The following CCDC66 variants were observed in gnomAD, a reference collection of about 807,000 sequenced individuals.
The protein encoded by CCDC66 is coiled-coil domain-containing protein 66.
CCDC66 carries 133 observed loss-of-function variants against 128.3 expected under a neutral mutation model. The ratio of observed to expected loss-of-function variants is 1.04; its 90% CI spans 0.90 to 1.20. CCDC66 has a LOEUF of 1.20. Ranked by LOEUF, CCDC66 falls within the 50% of genes most tolerant of loss-of-function variation. The probability of loss-of-function intolerance (pLI) is 0.00; values close to 1 mark genes in which losing one functional copy is unlikely to be tolerated. For missense variants in CCDC66, 1,126 were observed against 1,075.5 expected (o/e 1.05, Z -0.66); for synonymous variants, 387 against 357.0 (o/e 1.08, Z -0.95).
At chr3:56,589,307 C>A (rs1007134122) in intron 7 of CCDC66, among the ~76,000 whole-genome samples, 13 of 152,076 alleles carry the variant, frequency 8.5e-5, no homozygotes, top group Non-Finnish European at 1.6e-4. Context: ...TTACTAAAAA[C>A]CCAACAAAAT....
intron 8 of CCDC66, 71 bp downstream of exon 8, chr3:56,593,172 G>T: frequency 7.9e-7 from 1 of 1,267,438 alleles, no homozygotes; most frequent in African/African-American, 1.5e-5. Context: ...AAAACTAGAA[G>T]TATTCTGAAA....
At chr3:56,614,849 T>G (rs1316262857) in intron 11 of CCDC66, among the ~76,000 whole-genome samples, 1 of 152,232 alleles carries the variant, frequency 6.6e-6, no homozygotes, top group Non-Finnish European at 1.5e-5. Context: ...TTAAAATCTA[T>G]TTTTAAATGT....
In CCDC66 at chr3:56,618,538, G is replaced by A. The variant is rs895995303; in HGVS notation, c.2378+326G>A. 6.4e-5 allele frequency: 16 copies of A among 249,430 alleles called. No individual in the cohort carries two copies. In the Admixed American group the frequency reaches 8.6e-4, roughly 13 times the overall value. 15.5% of individuals were successfully genotyped at this position (249,430 alleles called of 1,614,324 possible). A position where few individuals can be genotyped will look rare whatever the true frequency, so the allele number is the denominator to read the frequency against. On this transcript the variant is annotated intron_variant, in intron 15 of 17. Transcript: ENST00000394672. The stretch of plus-strand genomic sequence containing the variant: ...GGAGGGATGGCTGGGGGCTGTGAAT[G>A]GGAAGAAATGACTGATAAGGACAAT...
intron 10 of CCDC66, 45 bp downstream of exon 10, chr3:56,594,073 T>C: frequency 6.6e-7 from 1 of 1,524,766 alleles, no homozygotes; most frequent in Non-Finnish European, 9.1e-7. Flanking sequence ...TAAGTAACAG[T>C]CATGGTGAAC....
intron 11 of CCDC66, among the ~76,000 whole-genome samples, 198 bp downstream of exon 11, chr3:56,613,948 T>G (rs551384268): frequency 6.6e-6 from 1 of 152,242 alleles, no homozygotes; most frequent in South Asian, 2.1e-4. Flanking sequence ...TCTGGCTAAT[T>G]TTTTTGTTGG....
chr3:56,605,307 C>T (rs1262075593), intron 10 of CCDC66, among the ~76,000 whole-genome samples: 3 of 152,002 alleles, frequency 2.0e-5, no homozygotes, highest in African/African-American at 4.8e-5. Flanking sequence ...CAGTTTTGTT[C>T]CCTTGCTGGC....
chr3:56,613,571 G>A lies in CCDC66; in HGVS notation c.1405-18G>A, dbSNP rs372097334. The A allele has an allele frequency of 1.8e-5, 29 of 1,602,838 alleles. No individual in the cohort carries two copies. The highest frequency in any genetic ancestry group is 2.2e-5 in the East Asian group (1 of 44,776). ...ATTTTTATTTTTGACAATGATTTAC[G>A]TGATTGCTTATGACTAGAAAGCCAT... On this transcript the variant is annotated intron_variant, in intron 10 of 17. Coordinates refer to ENST00000394672, the MANE Select transcript of CCDC66 (RefSeq NM_001141947.3).
At chr3:56,560,696 G>A (rs1027016161) in intron 3 of CCDC66, among the ~76,000 whole-genome samples, 17 of 152,110 alleles carry the variant, frequency 1.1e-4, no homozygotes, top group African/African-American at 4.1e-4. Context: ...CTCCAGCCTG[G>A]GGGACAGAGC....
chr3:56,609,092 C>T (rs892746113), intron 10 of CCDC66, among the ~76,000 whole-genome samples: 2 of 152,164 alleles, frequency 1.3e-5, no homozygotes, highest in Non-Finnish European at 2.9e-5. Context: ...GGTTGTTAGA[C>T]TAAATGTTCT....
At chr3:56,582,181 G>C (rs1390910438) in intron 7 of CCDC66, among the ~76,000 whole-genome samples, 1 of 151,928 alleles carries the variant, frequency 6.6e-6, no homozygotes, top group Admixed American at 6.6e-5. Flanking sequence ...CTAGCAGTGA[G>C]CGAGGCTCCG....
intron 3 of CCDC66, among the ~76,000 whole-genome samples, chr3:56,561,772 T>C (rs561792250): frequency 7.2e-5 from 11 of 152,336 alleles, no homozygotes; most frequent in African/African-American, 2.6e-4. Flanking sequence ...GTTCTGCCAC[T>C]AGATGTTGAA....
intron 13 of CCDC66, chr3:56,616,710 G>C (rs2075557818): frequency 6.1e-6 from 1 of 163,726 alleles, no homozygotes; most frequent in Admixed American, 6.3e-5. Flanking sequence ...TTAGCATTTT[G>C]AGGAACCACC....
intron 3 of CCDC66, chr3:56,561,155 C>T (rs2065047051): frequency 2.2e-6 from 1 of 449,414 alleles, no homozygotes; most frequent in Non-Finnish European, 4.5e-6. Context: ...TTAAAAATTG[C>T]AACTAACTGC....
chr3:56,617,213 C>CTTA lies in CCDC66; in HGVS notation c.1948_1950dup (p.Ile650dup). ...TTCATCTCCTGAGATTTCGGCAGAA[C>CTTA]TTATTGGACAGTTTAGCACCAAGAA... On this transcript the variant is annotated inframe_insertion, in exon 14 of 18. Coordinates refer to ENST00000394672, the MANE Select transcript of CCDC66 (RefSeq NM_001141947.3). The CTTA allele has an allele frequency of 6.2e-7, 1 of 1,613,628 alleles. No homozygotes were observed. Among genetic ancestry groups the CTTA allele is most frequent in the Non-Finnish European group, 8.5e-7 (1 of 1,179,872 alleles).
chr3:56,592,884 G>A lies in CCDC66; in HGVS notation c.937-86G>A, dbSNP rs1281584386. On this transcript the variant is annotated intron_variant, in intron 7 of 17. Transcript: ENST00000394672. ...ATAAATGCCTCAGTGGATTAAATCT[G>A]TATGTTACTTTGGCAAGATTTGCAC... is the stretch of plus-strand genomic sequence containing the variant. The A allele has an allele frequency of 5.0e-6, 7 of 1,407,006 alleles. No individual in the cohort carries two copies. The East Asian group carries it at 7.1e-5, about 14-fold the overall frequency. The allele number at this position is 1,407,006 out of a possible 1,614,324, so 87.2% of individuals were successfully genotyped here. A position where few individuals can be genotyped will look rare whatever the true frequency, so the allele number is the denominator to read the frequency against.
At chr3:56,561,185 A>G (rs2065051452) in intron 3 of CCDC66, 1 of 454,058 alleles carries the variant, frequency 2.2e-6, no homozygotes, top group Non-Finnish European at 4.4e-6. Flanking sequence ...AAACACATTC[A>G]CAAATACAGT....
rs369978972 is a variant in CCDC66, at chr3:56,593,447, A to T, written c.1069-44A>T. On this transcript the variant is annotated intron_variant, in intron 8 of 17. Transcript: ENST00000394672. ...GTTGTCATTTAGAATTATATATGAGAATAATTGGAAAAATTCTTAGCAATT... is the reference window on the plus strand; with the variant it reads ...GTTGTCATTTAGAATTATATATGAGTATAATTGGAAAAATTCTTAGCAATT... 8 of 1,593,974 alleles carry T rather than the reference A, an allele frequency of 5.0e-6. No individual in the cohort carries two copies. The African/African-American group carries it at 9.4e-5, about 19-fold the overall frequency.
chr3:56,578,998 T>G (rs2067865994), intron 7 of CCDC66, among the ~76,000 whole-genome samples: 1 of 151,848 alleles, frequency 6.6e-6, no homozygotes, highest in Admixed American at 6.6e-5. Flanking sequence ...CCAGCTCCTC[T>G]TTATACCTCT....
In CCDC66 at chr3:56,559,564, T is replaced by G; in HGVS notation, c.77-5T>G. The stretch of plus-strand genomic sequence containing the variant: ...TAGTTTAGTAATTTCTTTTTTCTTT[T>G]GTAGAACATAAATCAAAAATTTCTG... On this transcript the variant is annotated splice_polypyrimidine_tract_variant and splice_region_variant and intron_variant, in intron 2 of 17. Transcript: ENST00000394672. 6.5e-7 allele frequency: 1 copy of G among 1,531,118 alleles called. No individual in the cohort carries two copies. The allele number at this position is 1,531,118 out of a possible 1,614,324, so 94.8% of individuals were successfully genotyped here. A position where few individuals can be genotyped will look rare whatever the true frequency, so the allele number is the denominator to read the frequency against.
Sources: gnomAD v4.1 joint callset for allele counts (sites outside exome capture counted in the v4.1 genomes callset) on GRCh38, gnomAD v4.1.1 for gene constraint, MANE v1.5 for transcripts, NCBI Gene and HGNC (gene_info 2026-07-23, HGNC 2026-07-21) for gene names.